The following FRMPD1 variants were observed in gnomAD, a reference collection of about 807,000 sequenced individuals.
FRMPD1 encodes FERM and PDZ domain-containing protein 1.
Under a neutral mutation model 117.8 loss-of-function variants are expected in FRMPD1, and 76 were observed. The observed-to-expected ratio is 0.65, with a 90% CI of 0.54 to 0.78. The LOEUF (loss-of-function observed/expected upper bound fraction) is 0.78. Ranked by LOEUF, FRMPD1 falls within the 30% of genes least tolerant of loss-of-function variation. The pLI is 0.00. For synonymous variants in FRMPD1, 783 were observed against 770.4 expected (o/e 1.02, Z -0.27); for missense variants, 1,786 against 1,964.5 (o/e 0.91, Z 1.72).
chr9:37,688,336 T>A (rs1822018548), intron 1 of FRMPD1, among the ~76,000 whole-genome samples: 1 of 151,832 alleles, frequency 6.6e-6, no homozygotes, highest in Admixed American at 6.6e-5. Context: ...ATATGGAGGA[T>A]AATTTACTTT....
Position 37,740,721 on chromosome 9 carries a change from G to A in FRMPD1, c.2193G>A (p.Gly731=), listed in dbSNP as rs754755114. Residue 731 remains glycine, a synonymous_variant, in exon 15 of 16, where the codon GGG becomes GGA. Coordinates refer to ENST00000377765, the MANE Select transcript of FRMPD1 (RefSeq NM_014907.3). The surrounding 1 kb of genome is among the most constrained non-coding windows in gnomAD (Gnocchi z 4.2). Reference sequence around the variant, plus strand: ...CCGAGAGTACAGCTTCCCGGCAAGGGGGAGCCCCGCCAGCCTGGGGTCAGC... The same window carrying A: ...CCGAGAGTACAGCTTCCCGGCAAGGAGGAGCCCCGCCAGCCTGGGGTCAGC... ...DSSESTASRQ[G]GAPPAWGQQG... 1.9e-6 allele frequency: 3 copies of A among 1,614,138 alleles called. No individual in the cohort carries two copies. The highest frequency in any genetic ancestry group is 1.1e-5 in the South Asian group (1 of 91,076).
intron 6 of FRMPD1, among the ~76,000 whole-genome samples, chr9:37,724,005 T>TA (rs917413102): frequency 6.8e-6 from 1 of 146,288 alleles, no homozygotes; most frequent in African/African-American, 2.5e-5. Context: ...TCAAAAAAAA[T>TA]AAAAAAAATA....
At chr9:37,636,722 G>A in the FRMPD1 span, 4 of 1,584,648 alleles carry the variant, frequency 2.5e-6, no homozygotes, top group South Asian at 1.2e-5. Context: ...CTTTACAGGG[G>A]TGCTGTCGAT....
chr9:37,686,916 C>T (rs1821968540), intron 1 of FRMPD1, among the ~76,000 whole-genome samples: 1 of 152,142 alleles, frequency 6.6e-6, no homozygotes, highest in South Asian at 2.1e-4. Context: ...TCCAACTACT[C>T]TAGGTAATGT....
At position 37,699,907 on chromosome 9, in the gene FRMPD1, A is replaced by G. The variant is rs117223870; in HGVS notation, c.101+7165A>G. ...CATGCACATGTATGCATGCACGCAC[A>G]CACACACACACATATACACACATTT... is the stretch of plus-strand genomic sequence containing the variant. On this transcript the variant is annotated intron_variant, in intron 2 of 15. Coordinates refer to ENST00000377765, the MANE Select transcript of FRMPD1 (RefSeq NM_014907.3). Among the ~76,000 whole-genome samples, 992 of 149,972 alleles carry G rather than the reference A, an allele frequency of 6.6e-3. 22 individuals carry two copies. Among genetic ancestry groups the G allele is most frequent in the East Asian group, 0.051 (260 of 5,104 alleles).
intron 14 of FRMPD1, among the ~76,000 whole-genome samples, chr9:37,739,758 C>T (rs902208400): frequency 6.6e-6 from 1 of 152,210 alleles, no homozygotes; most frequent in Non-Finnish European, 1.5e-5. Flanking sequence ...CAAACCTGGG[C>T]AGTGCTGCCC....
At chr9:37,638,051 C>CTTTCTTTCT in the FRMPD1 span, among the ~76,000 whole-genome samples, 6 of 74,662 alleles carry the variant, frequency 8.0e-5, 1 homozygote, top group South Asian at 2.6e-3. Flanking sequence ...TCTTTCTTTC[C>CTTTCTTTCT]TTTCTTTCTT....
chr9:37,618,171 T>C, the FRMPD1 span, among the ~76,000 whole-genome samples: 1 of 152,154 alleles, frequency 6.6e-6, no homozygotes, highest in Non-Finnish European at 1.5e-5. Context: ...GCAGGGACAA[T>C]ACTGTGACTT....
chr9:37,637,159 G>A, the FRMPD1 span: 37 of 1,609,950 alleles, frequency 2.3e-5, no homozygotes, highest in Non-Finnish European at 2.5e-5. Context: ...TTTGGATCTT[G>A]AAGTCCACCC....
intron 4 of FRMPD1, among the ~76,000 whole-genome samples, chr9:37,709,036 A>G (rs1000768315): frequency 2.6e-5 from 4 of 152,292 alleles, no homozygotes; most frequent in African/African-American, 9.6e-5. Context: ...TACCTAGACA[A>G]TGATTTCCTG....
chr9:37,718,974 C>A, intron 5 of FRMPD1, 95 bp from the exon 6 acceptor site: 1 of 732,458 alleles, frequency 1.4e-6, no homozygotes, highest in Non-Finnish European at 2.5e-6. Flanking sequence ...TCTGCAACAG[C>A]TATCAAAGTT....
intron 2 of FRMPD1, among the ~76,000 whole-genome samples, chr9:37,699,054 T>C (rs1428443552): frequency 6.6e-6 from 1 of 152,118 alleles, no homozygotes; most frequent in Non-Finnish European, 1.5e-5. Context: ...TTTGTATTTT[T>C]AGTAGAGGCA....
chr9:37,661,503 C>G (rs767038341), intron 1 of FRMPD1, among the ~76,000 whole-genome samples: 36 of 152,260 alleles, frequency 2.4e-4, no homozygotes, highest in Non-Finnish European at 4.9e-4. Context: ...AAGACTGGTT[C>G]TGTGTGTTAG....
At position 37,746,160 on chromosome 9, in the gene FRMPD1, G is replaced by C; in HGVS notation, c.4128G>C (p.Val1376=). The stretch of plus-strand genomic sequence containing the variant: ...CACCGCCCTCTGCGGGAAGCCCGGT[G>C]GTTCTGCCCTGGAGGCCTGCCCGAG... ...LTSPPSAGSP[V]VLPWRPARAH... is the part of the protein sequence containing the mutation. Residue 1376 remains valine, a synonymous_variant, in exon 16 of 16, where the codon GTG becomes GTC. Transcript: ENST00000377765. 1 of 1,613,860 alleles carries C rather than the reference G, an allele frequency of 6.2e-7. No individual in the cohort carries two copies. The highest frequency in any genetic ancestry group is 8.5e-7 in the Non-Finnish European group (1 of 1,180,002).
chr9:37,695,410 T>C (rs1017049611), intron 2 of FRMPD1, among the ~76,000 whole-genome samples: 11 of 152,216 alleles, frequency 7.2e-5, no homozygotes, highest in African/African-American at 2.7e-4. Context: ...GTTAATGATA[T>C]TAAACATCTT....
chr9:37,623,728 G>T, the FRMPD1 span, among the ~76,000 whole-genome samples: 1 of 152,142 alleles, frequency 6.6e-6, no homozygotes, highest in African/African-American at 2.4e-5. Flanking sequence ...CCTGTAGCAG[G>T]CTATAGATAG....
the FRMPD1 span, among the ~76,000 whole-genome samples, chr9:37,633,066 G>A: frequency 7.0e-6 from 1 of 142,972 alleles, no homozygotes; most frequent in Non-Finnish European, 1.5e-5. Context: ...TGGAGTTCTC[G>A]CTCTGTCCCC....
At chr9:37,636,632 C>G in the FRMPD1 span, 21 of 1,284,920 alleles carry the variant, frequency 1.6e-5, no homozygotes, top group East Asian at 4.3e-4. Flanking sequence ...CTCCTGTCCC[C>G]TCCAGGGACA....
Position 37,745,014 on chromosome 9 carries a change from A to G in FRMPD1, c.2982A>G (p.Gln994=), listed in dbSNP as rs773446674. 1 of 1,614,146 alleles carries G rather than the reference A, an allele frequency of 6.2e-7. No individual in the cohort carries two copies. Among genetic ancestry groups the G allele is most frequent in the Non-Finnish European group, 8.5e-7 (1 of 1,180,018 alleles). ...CTTCCCAAATCTTACCTCTATCTCA[A>G]GACCTGGATGGGATTGCCCCCAAAG... is the stretch of plus-strand genomic sequence containing the variant. ...ARPSQILPLS[Q]DLDGIAPKEP... The change falls in exon 16 of 16, where the codon CAA becomes CAG. Residue 994 remains glutamine, a synonymous_variant. Coordinates refer to ENST00000377765, the MANE Select transcript of FRMPD1 (RefSeq NM_014907.3).
Sources: allele counts gnomAD v4.1 joint callset (sites outside exome capture counted in the v4.1 genomes callset), GRCh38; gene constraint gnomAD v4.1.1; non-coding constraint Gnocchi (gnomAD v3.1); transcripts MANE v1.5; gene names NCBI Gene and HGNC (gene_info 2026-07-23, HGNC 2026-07-21).